The following PTPRT variants were observed in gnomAD, a reference collection of about 807,000 sequenced individuals.
The protein encoded by PTPRT is protein tyrosine phosphatase receptor type T, also known as receptor-type tyrosine-protein phosphatase T.
In PTPRT, 56 loss-of-function variants were observed where a neutral mutation model predicts 176.8. The ratio of observed to expected loss-of-function variants is 0.32; its 90% confidence interval spans 0.26 to 0.40. The LOEUF (loss-of-function observed/expected upper bound fraction) is 0.40, where lower values mean the gene tolerates loss of function less well. Among genes scored for constraint, PTPRT ranks in the 10% least tolerant of loss-of-function variants. The pLI is 1.00. For synonymous variants in PTPRT, 783 were observed against 739.0 expected, an observed-to-expected ratio of 1.06 and a Z score of -0.96; for missense variants, 1,540 against 1,908.2, an observed-to-expected ratio of 0.81 and a Z score of 3.60.
chr20:43,088,464 T>A (rs1386459691), intron 1 of PTPRT, among the ~76,000 whole-genome samples: 1 of 151,958 alleles, frequency 6.6e-6, no homozygotes, highest in Non-Finnish European at 1.5e-5. Flanking sequence ...ATTGTACAAA[T>A]ATTTACTGAG....
At chr20:42,045,982 A>G in the PTPRT span, among the ~76,000 whole-genome samples, 2 of 152,114 alleles carry the variant, frequency 1.3e-5, no homozygotes, top group African/African-American at 4.8e-5. Flanking sequence ...TTTACCCCTC[A>G]ACTACTCTCC....
intron 9 of PTPRT, among the ~76,000 whole-genome samples, chr20:42,423,302 C>T (rs997328409): frequency 2.6e-5 from 4 of 151,900 alleles, no homozygotes; most frequent in African/African-American, 9.7e-5. Context: ...TTCACAGAGT[C>T]CTTGTTAGTC....
intron 1 of PTPRT, among the ~76,000 whole-genome samples, chr20:43,076,077 A>C (rs1204040391): frequency 6.6e-6 from 1 of 152,214 alleles, no homozygotes; most frequent in Non-Finnish European, 1.5e-5. Flanking sequence ...TCCCACTACT[A>C]TAATTAGAAG....
chr20:42,353,941 G>A (rs1198618841), intron 9 of PTPRT, among the ~76,000 whole-genome samples: 1 of 152,088 alleles, frequency 6.6e-6, no homozygotes, highest in African/African-American at 2.4e-5. Context: ...TGTAGTCCCA[G>A]CTATTCAGGG....
rs1261450975 is a variant in PTPRT, at chr20:43,189,621, AG to A, written c.88+24del. 2.4e-6 allele frequency: 3 copies of A among 1,236,886 alleles called. No individual in the cohort carries two copies. The highest frequency in any genetic ancestry group is 3.0e-6 in the Non-Finnish European group (3 of 988,246). The allele number at this position is 1,236,886 out of a possible 1,614,324, so 76.6% of individuals were successfully genotyped here. A position where few individuals can be genotyped will look rare whatever the true frequency, so the allele number is the denominator to read the frequency against. On this transcript the variant is annotated intron_variant, in intron 1 of 30. Transcript: ENST00000373187. The surrounding 1 kb of genome is among the most constrained non-coding windows in gnomAD (Gnocchi z 5.0). ...GCATCCAGGAGGGAGCGGGGAGCCC[AG>A]GGGAGCCGGGCGGGCGCACTCACCT...
intron 6 of PTPRT, among the ~76,000 whole-genome samples, chr20:42,679,805 T>G (rs1399663151): frequency 6.6e-6 from 1 of 152,242 alleles, no homozygotes; most frequent in Non-Finnish European, 1.5e-5. Flanking sequence ...AACTATTCTC[T>G]GATTGCTGGA....
chr20:42,889,939 G>T (rs889178274), intron 1 of PTPRT, among the ~76,000 whole-genome samples: 1 of 152,146 alleles, frequency 6.6e-6, no homozygotes, highest in Non-Finnish European at 1.5e-5. Flanking sequence ...GCAAAACCTG[G>T]TAAGGTACTG....
At chr20:42,894,663 C>T (rs1428963314) in intron 1 of PTPRT, among the ~76,000 whole-genome samples, 1 of 152,164 alleles carries the variant, frequency 6.6e-6, no homozygotes, top group African/African-American at 2.4e-5. Flanking sequence ...ACCTTGACCT[C>T]GAAAGGAACC....
intron 9 of PTPRT, among the ~76,000 whole-genome samples, chr20:42,375,236 T>C (rs1254127929): frequency 3.9e-5 from 6 of 152,186 alleles, no homozygotes; most frequent in African/African-American, 1.4e-4. Context: ...TGACTGCCCA[T>C]CAGGTGGCAA....
rs777602624 is a variant in PTPRT at position 42,106,893 on chromosome 20, T to C, written c.3283A>G (p.Ile1095Val). The change falls in exon 24 of 31, where the codon ATT becomes GTT. Residue 1095 changes from isoleucine (I) to valine (V), a missense_variant. This residue lies in a region of PTPRT where 248 missense variants were observed against 356.7 expected (regional missense o/e 0.70). Transcript: ENST00000373187. ...ATGTCAAGCATGGTGTCAATGGCAA[T>C]GAAGCAGCCAGTCCGCCCAGCCCCA... ...SAGAGRTGCF[I>V]AIDTMLDMAE... The C allele has an allele frequency of 6.2e-7, 1 of 1,614,120 alleles. No individual in the cohort carries two copies. Among genetic ancestry groups the C allele is most frequent in the Non-Finnish European group, 8.5e-7 (1 of 1,180,014 alleles).
intron 8 of PTPRT, among the ~76,000 whole-genome samples, chr20:42,467,940 T>A (rs1273832092): frequency 6.6e-6 from 1 of 152,216 alleles, no homozygotes; most frequent in Admixed American, 6.5e-5. Flanking sequence ...TAAATAGCAG[T>A]CAAAGTGAGC....
chr20:43,044,970 A>C (rs529468556), intron 1 of PTPRT, among the ~76,000 whole-genome samples: 1 of 152,346 alleles, frequency 6.6e-6, no homozygotes, highest in Non-Finnish European at 1.5e-5. Context: ...GCATATGACT[A>C]CTTAAGATGG....
chr20:42,950,438 A>G (rs1051866229), intron 1 of PTPRT, among the ~76,000 whole-genome samples: 1 of 152,154 alleles, frequency 6.6e-6, no homozygotes, highest in Admixed American at 6.5e-5. Flanking sequence ...AGGCTCCTGC[A>G]CTGGTAATCC....
At chr20:42,300,592 A>C (rs1434665005) in intron 12 of PTPRT, among the ~76,000 whole-genome samples, 2 of 152,002 alleles carry the variant, frequency 1.3e-5, no homozygotes, top group African/African-American at 4.8e-5. Flanking sequence ...AAGTATAACC[A>C]ACTGAATAAA....
chr20:42,475,185 G>A (rs571073895), intron 7 of PTPRT, among the ~76,000 whole-genome samples: 29 of 152,256 alleles, frequency 1.9e-4, no homozygotes, highest in Non-Finnish European at 3.1e-4. Context: ...CCCTAGGAGG[G>A]AAGGATGGCC....
At chr20:42,954,242 C>T (rs541342136) in intron 1 of PTPRT, among the ~76,000 whole-genome samples, 38 of 152,272 alleles carry the variant, frequency 2.5e-4, no homozygotes, top group Non-Finnish European at 4.9e-4. Flanking sequence ...GAGAAACAGA[C>T]CTTGCAAGCA....
intron 9 of PTPRT, among the ~76,000 whole-genome samples, chr20:42,435,511 A>G (rs7268459): frequency 0.84 from 127,900 of 152,122 alleles, 53,939 homozygotes; most frequent in Admixed American, 0.87. Context: ...CTAGCATGCT[A>G]GAGCACAGTA....
intron 7 of PTPRT, among the ~76,000 whole-genome samples, chr20:42,645,270 C>T (rs1051151355): frequency 2.0e-5 from 3 of 152,174 alleles, no homozygotes; most frequent in Non-Finnish European, 4.4e-5. Flanking sequence ...AGGGAATGTG[C>T]TCAACTCTGG....
Position 42,548,751 on chromosome 20 carries a change from G to A in PTPRT, c.1154-76189C>T, listed in dbSNP as rs147303066. Among the ~76,000 whole-genome samples the A allele has an allele frequency of 2.8e-3, 427 of 152,200 alleles. 1 individual carries two copies. Among genetic ancestry groups the A allele is most frequent in the African/African-American group, 1.0e-2 (414 of 41,534 alleles). ...AATATCCAGGATATAAATGCAACTC[G>A]TGAAAATTTAATAGAAAACACAGGA... On this transcript the variant is annotated intron_variant, in intron 7 of 30. Coordinates refer to ENST00000373187, the MANE Select transcript of PTPRT (RefSeq NM_007050.6).
Sources: allele counts gnomAD v4.1 joint callset (sites outside exome capture counted in the v4.1 genomes callset), GRCh38; gene constraint gnomAD v4.1.1; regional missense constraint gnomAD v4.1.1; non-coding constraint Gnocchi (gnomAD v3.1); transcripts MANE v1.5; gene names NCBI Gene and HGNC (gene_info 2026-07-23, HGNC 2026-07-21).